Variants in FHIT observed in about 807,000 individuals in gnomAD.
FHIT encodes fragile histidine triad diadenosine triphosphatase.
In FHIT, 19 loss-of-function variants were observed where a neutral mutation model predicts 17.9. The ratio of observed to expected loss-of-function variants is 1.06; its 90% CI spans 0.74 to 1.56. The LOEUF (loss-of-function observed/expected upper bound fraction) is 1.56, where lower values mean the gene tolerates loss of function less well. FHIT is among the 40% of genes most tolerant of loss of function. The pLI, the probability that FHIT is intolerant of heterozygous loss-of-function variation, is 0.00. For synonymous variants in FHIT, 81 were observed against 69.7 expected, an observed-to-expected ratio of 1.16 and a Z score of -0.81; for missense variants, 248 against 189.2, an observed-to-expected ratio of 1.31 and a Z score of -1.82.
At chr3:60,937,799 T>G (rs1458297791) in intron 3 of FHIT, among the ~76,000 whole-genome samples, 1 of 152,086 alleles carries the variant, frequency 6.6e-6, no homozygotes, top group Admixed American at 6.6e-5. Flanking sequence ...CCTGACCTTG[T>G]GATCCGCCTG....
At chr3:59,905,641 G>A (rs952589833) in intron 8 of FHIT, among the ~76,000 whole-genome samples, 2 of 152,144 alleles carry the variant, frequency 1.3e-5, no homozygotes, top group African/African-American at 4.8e-5. Context: ...TAGACTCTAT[G>A]AGACTTAAAA....
intron 3 of FHIT, among the ~76,000 whole-genome samples, chr3:60,950,365 A>G (rs1221512066): frequency 2.0e-5 from 3 of 152,222 alleles, no homozygotes; most frequent in Admixed American, 1.3e-4. Flanking sequence ...GGTTTGACAA[A>G]CATTCATTGG....
chr3:60,524,197 GACACACACACACACACACACACACACAC>G (rs56975783), intron 5 of FHIT, among the ~76,000 whole-genome samples: 23 of 144,972 alleles, frequency 1.6e-4, no homozygotes, highest in Non-Finnish European at 2.7e-4. Context: ...GTCAGCCTGA[GACACACACACACACACACACACACACAC>G]ACACACACAC....
At chr3:60,671,350 T>C (rs2040498890) in intron 4 of FHIT, among the ~76,000 whole-genome samples, 1 of 151,970 alleles carries the variant, frequency 6.6e-6, no homozygotes, top group South Asian at 2.1e-4. Context: ...ACTTCCAAAA[T>C]ACACACATAC....
intron 5 of FHIT, among the ~76,000 whole-genome samples, chr3:60,298,119 C>T (rs1708294401): frequency 1.3e-5 from 2 of 152,076 alleles, no homozygotes; most frequent in African/African-American, 2.4e-5. Context: ...GAGCACCACC[C>T]TCCAGGCATC....
At chr3:60,152,501 T>C (rs1017774169) in intron 5 of FHIT, among the ~76,000 whole-genome samples, 1 of 152,214 alleles carries the variant, frequency 6.6e-6, no homozygotes, top group Admixed American at 6.5e-5. Flanking sequence ...AAGACATGTG[T>C]GTGTATATTT....
intron 3 of FHIT, among the ~76,000 whole-genome samples, chr3:61,028,338 G>A (rs1387190150): frequency 6.6e-6 from 1 of 152,114 alleles, no homozygotes; most frequent in Non-Finnish European, 1.5e-5. Context: ...GAGCAGGGAG[G>A]ACAAACACAT....
intron 5 of FHIT, among the ~76,000 whole-genome samples, chr3:60,179,417 A>G (rs908808407): frequency 1.3e-5 from 2 of 152,212 alleles, no homozygotes; most frequent in Non-Finnish European, 2.9e-5. Flanking sequence ...TGACATCACA[A>G]TATTGTTAAT....
intron 3 of FHIT, among the ~76,000 whole-genome samples, chr3:60,958,858 AGAATTATTTAGCAATGGAATTATAATCG>A (rs1282985329): frequency 1.2e-4 from 18 of 152,348 alleles, no homozygotes; most frequent in African/African-American, 1.4e-4. Context: ...TTCTTTGGAA[AGAATTATTTAGCAATGGAATTATAATCG>A]GAATTATTTA....
intron 7 of FHIT, among the ~76,000 whole-genome samples, chr3:59,943,170 G>A (rs571508001): frequency 6.6e-6 from 1 of 152,236 alleles, no homozygotes; most frequent in South Asian, 2.1e-4. Flanking sequence ...GTGCTTGCAC[G>A]ATGCAGGTAG....
At chr3:60,308,541 G>C (rs1708793390) in intron 5 of FHIT, among the ~76,000 whole-genome samples, 1 of 144,898 alleles carries the variant, frequency 6.9e-6, no homozygotes, top group African/African-American at 2.6e-5. Context: ...CCTCTCAAAT[G>C]CTCTTTGGAC....
chr3:61,231,217 G>C (rs916459563), intron 1 of FHIT, among the ~76,000 whole-genome samples: 1 of 152,204 alleles, frequency 6.6e-6, no homozygotes, highest in African/African-American at 2.4e-5. Flanking sequence ...TCACTGGGTT[G>C]TGTGCAATGG....
intron 5 of FHIT, among the ~76,000 whole-genome samples, chr3:60,368,149 G>T (rs189901083): frequency 2.0e-5 from 3 of 149,846 alleles, no homozygotes; most frequent in African/African-American, 7.3e-5. Context: ...TTTTGTAGGG[G>T]TAAATACCAG....
chr3:59,989,379 C>T (rs879833405), intron 7 of FHIT, among the ~76,000 whole-genome samples: 1 of 151,968 alleles, frequency 6.6e-6, no homozygotes, highest in Non-Finnish European at 1.5e-5. Context: ...ACCTAGGGAA[C>T]AAAGCAAGGC....
At chr3:60,352,660 G>A (rs1273399334) in intron 5 of FHIT, among the ~76,000 whole-genome samples, 3 of 152,034 alleles carry the variant, frequency 2.0e-5, no homozygotes, top group African/African-American at 7.2e-5. Flanking sequence ...CACCACCACA[G>A]TCAGGTAATT....
intron 8 of FHIT, among the ~76,000 whole-genome samples, chr3:59,758,957 G>A (rs1021456574): frequency 1.3e-5 from 2 of 151,924 alleles, no homozygotes; most frequent in African/African-American, 4.8e-5. Flanking sequence ...TGGATGCATG[G>A]GAGTCAAAAT....
chr3:59,858,314 C>G (rs1282005826), intron 8 of FHIT, among the ~76,000 whole-genome samples: 1 of 144,392 alleles, frequency 6.9e-6, no homozygotes, highest in East Asian at 2.1e-4. Flanking sequence ...CCAACCTCCA[C>G]CTCCTGGGTT....
chr3:61,027,839 T>G (rs1021365229), intron 3 of FHIT, among the ~76,000 whole-genome samples: 2 of 152,224 alleles, frequency 1.3e-5, no homozygotes, highest in Non-Finnish European at 1.5e-5. Flanking sequence ...AGTGATTATT[T>G]TATTCATATT....
chr3:60,566,364 AT>A (rs2037134199), intron 4 of FHIT, among the ~76,000 whole-genome samples: 1 of 152,176 alleles, frequency 6.6e-6, no homozygotes. Context: ...AAACCACATG[AT>A]TATCTCAATA....
Sources: allele counts gnomAD v4.1 joint callset (sites outside exome capture counted in the v4.1 genomes callset), GRCh38; gene constraint gnomAD v4.1.1; transcripts MANE v1.5; gene names NCBI Gene and HGNC (gene_info 2026-07-23, HGNC 2026-07-21).